VPS13A: variants seen among roughly 807,000 people sequenced by gnomAD.
VPS13A encodes intermembrane lipid transfer protein VPS13A.
Under a neutral mutation model 390.9 loss-of-function variants are expected in VPS13A, and 264 were observed. That is an observed-to-expected ratio of 0.68 (90% confidence interval 0.61 to 0.75). The LOEUF (loss-of-function observed/expected upper bound fraction) is 0.75. Ranked by LOEUF, VPS13A falls within the 30% of genes least tolerant of loss-of-function variation. The probability of loss-of-function intolerance (pLI) is 0.00; values close to 1 mark genes in which losing one functional copy is unlikely to be tolerated. For missense variants in VPS13A, 3,409 were observed against 3,733.9 expected, an observed-to-expected ratio of 0.91 and a Z score of 2.27; for synonymous variants, 1,231 against 1,227.1, an observed-to-expected ratio of 1.00 and a Z score of -0.07.
chr9:77,186,206 A>G (rs79224621), intron 1 of VPS13A, among the ~76,000 whole-genome samples: 1,882 of 152,360 alleles, frequency 0.012, 38 homozygotes, highest in African/African-American at 0.043. Context: ...TACAGTATAC[A>G]GATTCCTCCC....
At chr9:77,289,895 C>T (rs1197189204) in intron 31 of VPS13A, among the ~76,000 whole-genome samples, 1 of 151,988 alleles carries the variant, frequency 6.6e-6, no homozygotes, top group African/African-American at 2.4e-5. Context: ...ATTCTTCTGC[C>T]TCAGCCTCCC....
In VPS13A at chr9:77,418,278, C is replaced by A. The variant is rs1225425593; in HGVS notation, c.*2272C>A. 2 of 152,044 alleles carry A rather than the reference C, an allele frequency of 1.3e-5. No homozygotes were observed. Among genetic ancestry groups the A allele is most frequent in the Non-Finnish European group, 2.9e-5 (2 of 68,020 alleles). The allele number at this position is 152,044 out of a possible 1,614,324, so 9.4% of individuals were successfully genotyped here. On this transcript the variant is annotated 3_prime_UTR_variant, in exon 72 of 72. Coordinates refer to ENST00000360280, the MANE Select transcript of VPS13A (RefSeq NM_033305.3). Reference sequence around the variant, plus strand: ...AATGAGAGGTGTTGAGTCTTGTGCCCCTTCCATGTATTATTTGCTAACTAA... The same window carrying A: ...AATGAGAGGTGTTGAGTCTTGTGCCACTTCCATGTATTATTTGCTAACTAA...
In VPS13A at chr9:77,357,623, G is replaced by A. The variant is rs1265915808; in HGVS notation, c.7807-69G>A. The A allele has an allele frequency of 5.2e-6, 8 of 1,524,714 alleles. No homozygotes were observed. In the African/African-American group the frequency reaches 5.6e-5, roughly 11 times the overall value. 94.4% of individuals were successfully genotyped at this position (1,524,714 alleles called of 1,614,324 possible). ...AGCTTACTGTTTTAAAAAGTTTTTG[G>A]CATTAATTTCTAATTCTAGTCATTT... On this transcript the variant is annotated intron_variant, in intron 55 of 71. Transcript: ENST00000360280.
intron 68 of VPS13A, among the ~76,000 whole-genome samples, chr9:77,387,828 G>T (rs114994647): frequency 4.6e-5 from 7 of 152,102 alleles, no homozygotes; most frequent in Admixed American, 3.9e-4. Context: ...TGTTATTTAA[G>T]TGTACACCTG....
At chr9:77,228,375 C>G (rs1456357565) in intron 17 of VPS13A, 111 bp downstream of exon 17, 2 of 1,081,126 alleles carry the variant, frequency 1.8e-6, no homozygotes, top group African/African-American at 1.6e-5. Flanking sequence ...TTCATATATC[C>G]TTTTGTGGTT....
rs904289262 is a variant in VPS13A, at chr9:77,308,067, A to T, written c.4083A>T (p.Gly1361=). The change falls in exon 35 of 72, where the codon GGA becomes GGT. Residue 1361 remains glycine, a synonymous_variant. Transcript: ENST00000360280. The stretch of plus-strand genomic sequence containing the variant: ...AAGACCAATACAGTGCCACTAGTGG[A>T]GTTACTACTAATGCTTCACACCATT... The part of the protein sequence containing the change: ...VTKDQYSATS[G]VTTNASHHSG... 1.2e-6 allele frequency: 2 copies of T among 1,613,992 alleles called. No individual in the cohort carries two copies. Among genetic ancestry groups the T allele is most frequent in the Non-Finnish European group, 1.7e-6 (2 of 1,179,920 alleles).
At chr9:77,403,923 G>C (rs1313795168) in intron 69 of VPS13A, among the ~76,000 whole-genome samples, 1 of 152,128 alleles carries the variant, frequency 6.6e-6, no homozygotes, top group Non-Finnish European at 1.5e-5. Context: ...GCAGGGAGAA[G>C]TTAGAGCTAA....
At chr9:77,183,613 C>T (rs1014080120) in intron 1 of VPS13A, among the ~76,000 whole-genome samples, 5 of 144,626 alleles carry the variant, frequency 3.5e-5, no homozygotes, top group African/African-American at 1.0e-4. Context: ...AAAACTGGAA[C>T]TCTGTTAATA....
At chr9:77,178,066 T>C (rs1823754344) in intron 1 of VPS13A, 1 of 406,646 alleles carries the variant, frequency 2.5e-6, no homozygotes, top group African/African-American at 2.1e-5. Context: ...CGGAGCGGAC[T>C]TGCCGTGGGC....
At chr9:77,240,273 G>C (rs1335761962) in intron 19 of VPS13A, among the ~76,000 whole-genome samples, 1 of 151,414 alleles carries the variant, frequency 6.6e-6, no homozygotes, top group African/African-American at 2.4e-5. Flanking sequence ...TTTTAATAGA[G>C]ATGGGGTTTC....
chr9:77,276,627 T>C (rs1826686364), intron 26 of VPS13A, among the ~76,000 whole-genome samples: 1 of 152,222 alleles, frequency 6.6e-6, no homozygotes, highest in African/African-American at 2.4e-5. Context: ...CAGTAGGACT[T>C]CCTTTTAGGA....
intron 1 of VPS13A, among the ~76,000 whole-genome samples, chr9:77,185,675 C>T (rs1300647299): frequency 6.6e-6 from 1 of 152,094 alleles, no homozygotes; most frequent in African/African-American, 2.4e-5. Flanking sequence ...ACAGTCTTCC[C>T]CTCCTCTTTT....
intron 20 of VPS13A, among the ~76,000 whole-genome samples, chr9:77,249,880 A>G (rs1310139368): frequency 6.6e-6 from 1 of 152,236 alleles, no homozygotes; most frequent in African/African-American, 2.4e-5. Context: ...TAATGCAAGT[A>G]AATGGGAAAT....
At position 77,227,637 on chromosome 9, in the gene VPS13A, C is replaced by T. The variant is rs565263495; in HGVS notation, c.1452+152C>T. 4 of 622,978 alleles carry T rather than the reference C, an allele frequency of 6.4e-6. No individual in the cohort carries two copies. In the African/African-American group the frequency reaches 7.4e-5, roughly 12 times the overall value. 38.6% of individuals were successfully genotyped at this position (622,978 alleles called of 1,614,324 possible). On this transcript the variant is annotated intron_variant, in intron 16 of 71. Transcript: ENST00000360280. ...CCTCAAGCAATCCTCCCACCTCAGC[C>T]TCTCGAATAGCTGGAGCCACAGGCA...
chr9:77,229,636 T>C (rs1290965506), intron 17 of VPS13A, among the ~76,000 whole-genome samples: 1 of 152,204 alleles, frequency 6.6e-6, no homozygotes, highest in Non-Finnish European at 1.5e-5. Flanking sequence ...GTAATCTCTA[T>C]TATGGACGCA....
At chr9:77,214,160 C>T (rs1822704091) in intron 9 of VPS13A, among the ~76,000 whole-genome samples, 169 bp from the exon 10 acceptor site, 1 of 151,996 alleles carries the variant, frequency 6.6e-6, no homozygotes. Flanking sequence ...TCTGTAATCC[C>T]AGCCACTCGG....
chr9:77,246,070 C>A (rs1014288554), intron 19 of VPS13A, among the ~76,000 whole-genome samples: 3 of 152,080 alleles, frequency 2.0e-5, no homozygotes, highest in South Asian at 4.1e-4. Context: ...AGGACTCTGC[C>A]CCCATGACCC....
chr9:77,259,799 TC>T (rs1342848241), intron 22 of VPS13A, among the ~76,000 whole-genome samples: 1 of 152,188 alleles, frequency 6.6e-6, no homozygotes, highest in Non-Finnish European at 1.5e-5. Context: ...TAAAGTGCTT[TC>T]CTCAGTGCCT....
chr9:77,323,378 G>T, intron 45 of VPS13A, 151 bp downstream of exon 45: 2 of 910,222 alleles, frequency 2.2e-6, no homozygotes, highest in Non-Finnish European at 3.4e-6. Context: ...ACCACCAGTT[G>T]CGCTACTTGG....
Sources: gnomAD v4.1 joint callset for allele counts (sites outside exome capture counted in the v4.1 genomes callset) on GRCh38, gnomAD v4.1.1 for gene constraint, MANE v1.5 for transcripts, NCBI Gene and HGNC (gene_info 2026-07-23, HGNC 2026-07-21) for gene names.